ST6GALNAC3: variants seen among roughly 807,000 people sequenced by gnomAD.
ST6GALNAC3 encodes alpha-N-acetylgalactosaminide alpha-2,6-sialyltransferase 3.
ST6GALNAC3 carries 25 observed loss-of-function variants against 32.7 expected under a neutral mutation model. The ratio of observed to expected loss-of-function variants is 0.76; its 90% confidence interval spans 0.56 to 1.07. The LOEUF (loss-of-function observed/expected upper bound fraction) is 1.07. Ranked by LOEUF, ST6GALNAC3 falls within the 50% of genes least tolerant of loss-of-function variation. The pLI, the probability that ST6GALNAC3 is intolerant of heterozygous loss-of-function variation, is 0.00. For synonymous variants in ST6GALNAC3, 129 were observed against 133.1 expected (o/e 0.97, Z 0.21); for missense variants, 355 against 382.4 (o/e 0.93, Z 0.60).
intron 2 of ST6GALNAC3, among the ~76,000 whole-genome samples, chr1:76,387,399 A>T (rs1652181713): frequency 6.6e-6 from 1 of 152,150 alleles, no homozygotes; most frequent in Admixed American, 6.5e-5. Flanking sequence ...AATTTGTTAT[A>T]TTTTAATTAA....
At chr1:76,380,597 A>G (rs908606113) in intron 2 of ST6GALNAC3, among the ~76,000 whole-genome samples, 1 of 152,234 alleles carries the variant, frequency 6.6e-6, no homozygotes, top group African/African-American at 2.4e-5. Flanking sequence ...AATATATTGT[A>G]TATGTCATGG....
chr1:76,422,271 G>A (rs776647422), intron 3 of ST6GALNAC3, among the ~76,000 whole-genome samples: 1 of 151,926 alleles, frequency 6.6e-6, no homozygotes, highest in African/African-American at 2.4e-5. Flanking sequence ...TATCATGGGG[G>A]TCTTTAATCG....
intron 1 of ST6GALNAC3, among the ~76,000 whole-genome samples, chr1:76,219,782 A>T (rs540646301): frequency 6.6e-5 from 10 of 152,332 alleles, no homozygotes; most frequent in African/African-American, 1.9e-4. Context: ...TCTGTGGTTG[A>T]AAAGGACTCA....
In ST6GALNAC3 at chr1:76,517,622, T is replaced by C. The variant is rs570532391; in HGVS notation, c.623+105205T>C. Among the ~76,000 whole-genome samples the C allele has an allele frequency of 1.2e-4, 18 of 152,098 alleles. No individual in the cohort carries two copies. The East Asian group carries it at 2.5e-3, about 21-fold the overall frequency. On this transcript the variant is annotated intron_variant, in intron 3 of 4. Transcript: ENST00000328299. The stretch of plus-strand genomic sequence containing the variant: ...ATTATTTCCTTCAACTTTGTTTTAC[T>C]TTCTTTGTTGTTTATTAAGTTGATT...
intron 3 of ST6GALNAC3, among the ~76,000 whole-genome samples, chr1:76,608,593 G>C (rs1647712903): frequency 7.2e-6 from 1 of 137,952 alleles, no homozygotes; most frequent in African/African-American, 2.8e-5. Context: ...GCCCTGAGCT[G>C]GAAATGTGTG....
At chr1:76,258,309 A>G (rs1290339031) in intron 1 of ST6GALNAC3, among the ~76,000 whole-genome samples, 6 of 152,146 alleles carry the variant, frequency 3.9e-5, no homozygotes, top group Non-Finnish European at 7.4e-5. Context: ...TTATGACATA[A>G]TTCAGTTTCT....
At chr1:76,519,167 T>A (rs1008511716) in intron 3 of ST6GALNAC3, among the ~76,000 whole-genome samples, 1 of 150,974 alleles carries the variant, frequency 6.6e-6, no homozygotes, top group Non-Finnish European at 1.5e-5. Flanking sequence ...TTTTTTAGAT[T>A]TTTTTTTGTT....
chr1:76,228,396 T>C (rs1252123810), intron 1 of ST6GALNAC3, among the ~76,000 whole-genome samples: 1 of 152,210 alleles, frequency 6.6e-6, no homozygotes, highest in Non-Finnish European at 1.5e-5. Flanking sequence ...AATCTGATTC[T>C]TTTCCTTAAA....
chr1:76,314,794 T>C (rs1370870875), intron 2 of ST6GALNAC3, among the ~76,000 whole-genome samples: 1 of 152,162 alleles, frequency 6.6e-6, no homozygotes, highest in Admixed American at 6.6e-5. Flanking sequence ...CTGTTTGAAA[T>C]TGTTGGTAAC....
At chr1:76,361,038 A>T (rs1649888969) in intron 2 of ST6GALNAC3, among the ~76,000 whole-genome samples, 1 of 152,178 alleles carries the variant, frequency 6.6e-6, no homozygotes, top group African/African-American at 2.4e-5. Flanking sequence ...AATAAGTCAG[A>T]AACATACCTT....
rs116643442 is a variant in ST6GALNAC3, at chr1:76,591,274, G to T, written c.624-36178G>T. ...GGGAATAGCTGGCATATATACCCAG[G>T]TTTCCTCTGGAAATTCACCACCCTG... On this transcript the variant is annotated intron_variant, in intron 3 of 4. Transcript: ENST00000328299. Among the ~76,000 whole-genome samples, 1,152 of 152,072 alleles carry T rather than the reference G, an allele frequency of 7.6e-3. 12 individuals carry two copies. The highest frequency in any genetic ancestry group is 0.037 in the Admixed American group (566 of 15,256).
chr1:76,153,321 C>G (rs1436664893), intron 1 of ST6GALNAC3, among the ~76,000 whole-genome samples: 1 of 152,118 alleles, frequency 6.6e-6, no homozygotes, highest in African/African-American at 2.4e-5. Flanking sequence ...CTGCCCTTTC[C>G]TTTTTGTTGC....
chr1:76,321,708 G>A (rs963049524), intron 2 of ST6GALNAC3, among the ~76,000 whole-genome samples: 11 of 152,214 alleles, frequency 7.2e-5, no homozygotes, highest in Non-Finnish European at 1.3e-4. Context: ...TTCTGCTTAG[G>A]TGCATATTGC....
chr1:76,510,224 T>C (rs1233987337), intron 3 of ST6GALNAC3, among the ~76,000 whole-genome samples: 2 of 152,202 alleles, frequency 1.3e-5, no homozygotes, highest in Non-Finnish European at 2.9e-5. Context: ...ACCCACAGCA[T>C]ACTAGGAGCT....
At chr1:76,613,217 C>G (rs1223939370) in intron 3 of ST6GALNAC3, among the ~76,000 whole-genome samples, 1 of 152,256 alleles carries the variant, frequency 6.6e-6, no homozygotes, top group Middle Eastern at 3.4e-3. Context: ...TATTTCCCCT[C>G]GTGATTTCAG....
At chr1:76,495,919 T>G (rs557615556) in intron 3 of ST6GALNAC3, among the ~76,000 whole-genome samples, 1 of 152,318 alleles carries the variant, frequency 6.6e-6, no homozygotes, top group South Asian at 2.1e-4. Flanking sequence ...GTTTTGAGTT[T>G]AAGTAACAAG....
At chr1:76,626,803 C>CGTT (rs1648995067) in intron 3 of ST6GALNAC3, among the ~76,000 whole-genome samples, 1 of 151,850 alleles carries the variant, frequency 6.6e-6, no homozygotes, top group South Asian at 2.1e-4. Context: ...TTGTTTTGAT[C>CGTT]GTTGTTGTAT....
intron 3 of ST6GALNAC3, among the ~76,000 whole-genome samples, chr1:76,487,548 A>G (rs933426647): frequency 1.1e-4 from 16 of 152,118 alleles, no homozygotes; most frequent in African/African-American, 3.9e-4. Context: ...TTCATCGCGT[A>G]GTTCTCGTGC....
intron 2 of ST6GALNAC3, among the ~76,000 whole-genome samples, chr1:76,375,191 C>T (rs1002430657): frequency 5.9e-5 from 9 of 152,056 alleles, no homozygotes; most frequent in Non-Finnish European, 8.8e-5. Context: ...ACATGCAAGG[C>T]GTATTAGAAT....
Sources: allele counts gnomAD v4.1 joint callset (sites outside exome capture counted in the v4.1 genomes callset), GRCh38; gene constraint gnomAD v4.1.1; transcripts MANE v1.5; gene names NCBI Gene and HGNC (gene_info 2026-07-23, HGNC 2026-07-21).